The following CALCOCO2 variants were observed in gnomAD, a reference collection of about 807,000 sequenced individuals.
CALCOCO2 encodes calcium-binding and coiled-coil domain-containing protein 2.
In CALCOCO2, 42 loss-of-function variants were observed where a neutral mutation model predicts 62.5. That is an observed-to-expected ratio of 0.67 (90% CI 0.53 to 0.87). The LOEUF (loss-of-function observed/expected upper bound fraction) is 0.87. Among genes scored for constraint, CALCOCO2 ranks in the 40% least tolerant of loss-of-function variants. CALCOCO2 has a pLI of 0.00. For missense variants in CALCOCO2, 456 were observed against 515.0 expected, an observed-to-expected ratio of 0.89 and a Z score of 1.11; for synonymous variants, 167 against 173.0, an observed-to-expected ratio of 0.97 and a Z score of 0.27.
intron 6 of CALCOCO2, 98 bp downstream of exon 6, chr17:48,851,275 CTG>C: frequency 1.3e-6 from 1 of 759,782 alleles, no homozygotes; most frequent in South Asian, 1.5e-5. Flanking sequence ...TGAGAAAACA[CTG>C]TTATGACATT....
intron 1 of CALCOCO2, among the ~76,000 whole-genome samples, chr17:48,838,452 T>A (rs763980215): frequency 9.2e-5 from 14 of 152,002 alleles, no homozygotes; most frequent in Non-Finnish European, 1.9e-4. Flanking sequence ...CCTCCCTTAA[T>A]GTCTGTAATC....
chr17:48,845,802 T>C (rs1354676912), intron 2 of CALCOCO2, among the ~76,000 whole-genome samples: 1 of 151,648 alleles, frequency 6.6e-6, no homozygotes, highest in African/African-American at 2.4e-5. Context: ...TGGGTAGTAG[T>C]ATCTCTTGGG....
intron 2 of CALCOCO2, 154 bp downstream of exon 2, chr17:48,842,041 C>T (rs1322137330): frequency 2.2e-6 from 1 of 461,340 alleles, no homozygotes. Flanking sequence ...TCTCTTCACA[C>T]ATTAATGTGT....
chr17:48,854,183 G>A (rs1167814336), intron 9 of CALCOCO2, among the ~76,000 whole-genome samples: 2 of 149,740 alleles, frequency 1.3e-5, no homozygotes, highest in Non-Finnish European at 3.0e-5. Context: ...GGGCATGGTG[G>A]TGGGCGCCTG....
In CALCOCO2 at chr17:48,841,664, T is replaced by C. The variant is rs767819806; in HGVS notation, c.-10-34T>C. ...ATCACCAACATTTCAGACAATGCTT[T>C]CTGAGCCTTACTCTGTTCCACATTT... On this transcript the variant is annotated intron_variant, in intron 1 of 12. Coordinates refer to ENST00000258947, the MANE Select transcript of CALCOCO2 (RefSeq NM_005831.5). 3.5e-6 allele frequency: 5 copies of C among 1,439,524 alleles called. No homozygotes were observed. In the African/African-American group the frequency reaches 7.1e-5, roughly 20 times the overall value. The allele number at this position is 1,439,524 out of a possible 1,614,324, so 89.2% of individuals were successfully genotyped here.
chr17:48,849,463 C>A, intron 5 of CALCOCO2, 86 bp downstream of exon 5: 1 of 1,187,442 alleles, frequency 8.4e-7, no homozygotes, highest in Non-Finnish European at 1.2e-6. Context: ...TCTGTTTTGC[C>A]TGTGATCTCA....
At chr17:48,836,040 G>A (rs2143569133) in intron 1 of CALCOCO2, among the ~76,000 whole-genome samples, 1 of 152,130 alleles carries the variant, frequency 6.6e-6, no homozygotes, top group Middle Eastern at 3.4e-3. Flanking sequence ...TGTGAGCCAC[G>A]GCACACGGCC....
At position 48,853,010 on chromosome 17, in the gene CALCOCO2, A is replaced by G; in HGVS notation, c.910A>G (p.Met304Val). The change falls in exon 9 of 13, where the codon ATG (methionine) becomes GTG (valine). Residue 304 changes from methionine (M) to valine (V), a missense_variant and splice_region_variant. Transcript: ENST00000258947. ...TTAMKKQQEL[M>V]DENFDLSKRL... ...TGCAATGAAGAAACAACAGGAATTA[A>G]TGGCATGTCTGTCTTTGGATGGTTA... is the stretch of plus-strand genomic sequence containing the variant. 3 of 1,604,652 alleles carry G rather than the reference A, an allele frequency of 1.9e-6. No individual in the cohort carries two copies. The highest frequency in any genetic ancestry group is 2.6e-6 in the Non-Finnish European group (3 of 1,171,398).
Position 48,860,421 on chromosome 17 carries a change from A to G in CALCOCO2, c.1116A>G (p.Pro372=), listed in dbSNP as rs750745452. ...ATGAAGGAGGCGCAAGACAAAATCC[A>G]GGACTTGCCTATGGAAACCCATATT... ...TSDEGGARQN[P]GLAYGNPYSG... The change falls in exon 11 of 13, where the codon CCA becomes CCG. Residue 372 remains proline, a synonymous_variant. Coordinates refer to ENST00000258947, the MANE Select transcript of CALCOCO2 (RefSeq NM_005831.5). 5.6e-6 allele frequency: 9 copies of G among 1,614,116 alleles called. No individual in the cohort carries two copies. In the South Asian group the frequency reaches 8.8e-5, roughly 16 times the overall value.
chr17:48,836,572 A>G (rs2039893920), intron 1 of CALCOCO2, among the ~76,000 whole-genome samples: 1 of 152,120 alleles, frequency 6.6e-6, no homozygotes, highest in Non-Finnish European at 1.5e-5. Flanking sequence ...TATGTATACA[A>G]TGGTGATAGT....
intron 10 of CALCOCO2, among the ~76,000 whole-genome samples, chr17:48,858,047 A>AGGATAGG (rs1567759487): frequency 1.2e-3 from 1 of 858 alleles, no homozygotes; most frequent in Non-Finnish European, 3.4e-3. Context: ...TAGAATAGAA[A>AGGATAGG]ATAGAATAGA....
chr17:48,835,720 TTTTTCTTTTC>T (rs148812139), intron 1 of CALCOCO2, among the ~76,000 whole-genome samples: 126,523 of 143,118 alleles, frequency 0.88, 55,799 homozygotes, highest in Non-Finnish European at 0.96. Context: ...AGATTGGTTG[TTTTTCTTTTC>T]TTTTCTTTTC....
intron 2 of CALCOCO2, chr17:48,843,877 T>G (rs1411368051): frequency 2.0e-5 from 3 of 152,198 alleles, no homozygotes; most frequent in Admixed American, 1.3e-4. Flanking sequence ...TAACTGGATT[T>G]AATTTAATTT....
intron 8 of CALCOCO2, 86 bp from the exon 9 acceptor site, chr17:48,852,840 C>A: frequency 1.8e-6 from 2 of 1,098,464 alleles, no homozygotes; most frequent in African/African-American, 1.6e-5. Flanking sequence ...ATCCTGCTTG[C>A]TCATTAGCTT....
At chr17:48,839,654 T>G (rs1360643164) in intron 1 of CALCOCO2, 7 of 148,544 alleles carry the variant, frequency 4.7e-5, no homozygotes, top group Admixed American at 1.4e-4. Context: ...CGGCCTTTTT[T>G]CTTTGCTTTG....
At chr17:48,850,188 A>C (rs1171766686) in intron 5 of CALCOCO2, among the ~76,000 whole-genome samples, 2 of 152,184 alleles carry the variant, frequency 1.3e-5, no homozygotes, top group Admixed American at 6.5e-5. Flanking sequence ...AATCCAAGCT[A>C]CTCAGGAGGC....
At chr17:48,853,278 T>A (rs1391810158) in intron 9 of CALCOCO2, 1 of 379,786 alleles carries the variant, frequency 2.6e-6, no homozygotes, top group Non-Finnish European at 5.0e-6. Context: ...GGACTAGGGC[T>A]CACACAGAAT....
intron 2 of CALCOCO2, among the ~76,000 whole-genome samples, chr17:48,845,578 A>G (rs920543453): frequency 1.3e-5 from 2 of 151,574 alleles, no homozygotes; most frequent in African/African-American, 2.4e-5. Context: ...AAAAATACAA[A>G]ATTAGCCAGG....
chr17:48,845,938 T>G (rs1290164948), intron 2 of CALCOCO2: 1 of 532,670 alleles, frequency 1.9e-6, no homozygotes, highest in Non-Finnish European at 3.2e-6. Flanking sequence ...GCTGAATTCC[T>G]TTGAGCAACA....
Sources: allele counts gnomAD v4.1 joint callset (sites outside exome capture counted in the v4.1 genomes callset), GRCh38; gene constraint gnomAD v4.1.1; transcripts MANE v1.5; gene names NCBI Gene and HGNC (gene_info 2026-07-23, HGNC 2026-07-21).